INTS3: variants seen among roughly 807,000 people sequenced by gnomAD.
INTS3 encodes the protein integrator complex subunit 3, also known as SOSS complex subunit A.
A neutral mutation model predicts 146.3 loss-of-function variants in INTS3; 34 were observed. That is an observed-to-expected ratio of 0.23 (90% CI 0.18 to 0.31). The LOEUF is 0.31. Ranked by LOEUF, INTS3 falls within the 10% of genes least tolerant of loss-of-function variation. INTS3 has a pLI of 1.00. For synonymous variants in INTS3, 475 were observed against 494.9 expected (o/e 0.96, Z 0.53); for missense variants, 757 against 1,304.2 (o/e 0.58, Z 6.46).
intron 17 of INTS3, 79 bp from the exon 18 acceptor site, chr1:153,764,039 G>A: frequency 7.5e-7 from 1 of 1,332,722 alleles, no homozygotes; most frequent in Middle Eastern, 2.0e-4. Context: ...GGAAGCAGAT[G>A]AGTTCCAAGA....
At position 153,773,584 on chromosome 1, in the gene INTS3, T is replaced by C; in HGVS notation, c.*314T>C. ...CTCAGCCCCCTGGCCCCTTCCGCAA[T>C]CTCCTCCCCCAGTCTCCCAAAGAGC... is the stretch of plus-strand genomic sequence containing the variant. On this transcript the variant is annotated 3_prime_UTR_variant, in exon 30 of 30. Coordinates refer to ENST00000318967, the MANE Select transcript of INTS3 (RefSeq NM_023015.5). The C allele has an allele frequency of 2.2e-6, 1 of 454,144 alleles. No individual in the cohort carries two copies. The highest frequency in any genetic ancestry group is 4.0e-5 in the South Asian group (1 of 24,792). 28.1% of individuals were successfully genotyped at this position (454,144 alleles called of 1,614,324 possible).
In INTS3 at chr1:153,773,366, C is replaced by A. The variant is rs1157162148; in HGVS notation, c.*96C>A. The A allele has an allele frequency of 3.1e-5, 37 of 1,179,944 alleles. No homozygotes were observed. Among genetic ancestry groups the A allele is most frequent in the Non-Finnish European group, 5.0e-6 (4 of 792,260 alleles). 73.1% of individuals were successfully genotyped at this position (1,179,944 alleles called of 1,614,324 possible). On this transcript the variant is annotated 3_prime_UTR_variant, in exon 30 of 30. Coordinates refer to ENST00000318967, the MANE Select transcript of INTS3 (RefSeq NM_023015.5). ...GGCTGAGGAGATTGCAGGGGAAACA[C>A]CCTTGCTGCATCCCCAAGCTCCCCC...
chr1:153,756,048 T>A (rs1234435683), intron 9 of INTS3, among the ~76,000 whole-genome samples: 1 of 144,208 alleles, frequency 6.9e-6, no homozygotes, highest in Non-Finnish European at 1.5e-5. Context: ...TCAAAAAATA[T>A]ATATATATTA....
rs1672821298 is a variant in INTS3, at chr1:153,770,828, A to AT, written c.2552+101dup. The AT allele has an allele frequency of 4.1e-6, 4 of 971,302 alleles. No homozygotes were observed. The South Asian group carries it at 5.3e-5, about 13-fold the overall frequency. The allele number at this position is 971,302 out of a possible 1,614,324, so 60.2% of individuals were successfully genotyped here. ...CTTCTGTCCTCCTCCTTATTGCCAT[A>AT]TTTTTTCCTGTCGTTAACATCTGCT... is the stretch of plus-strand genomic sequence containing the variant. On this transcript the variant is annotated intron_variant, in intron 25 of 29. Coordinates refer to ENST00000318967, the MANE Select transcript of INTS3 (RefSeq NM_023015.5).
intron 5 of INTS3, 150 bp from the exon 6 acceptor site, chr1:153,748,539 T>A (rs1356413388): frequency 1.1e-5 from 8 of 733,396 alleles, no homozygotes; most frequent in Non-Finnish European, 2.0e-5. Flanking sequence ...CTTTAAAGCC[T>A]GACAGAACAG....
chr1:153,747,274 T>A lies in INTS3; in HGVS notation c.433-5T>A. On this transcript the variant is annotated splice_polypyrimidine_tract_variant and splice_region_variant and intron_variant, in intron 4 of 29. Coordinates refer to ENST00000318967, the MANE Select transcript of INTS3 (RefSeq NM_023015.5). ...TCTTCATCTGTTTTTCCCTCTTTCC[T>A]TTAGTTGGTGTGGTTGGTACGGGAA... 2 of 1,613,408 alleles carry A rather than the reference T, an allele frequency of 1.2e-6. No homozygotes were observed. The highest frequency in any genetic ancestry group is 1.7e-6 in the Non-Finnish European group (2 of 1,179,310).
chr1:153,741,170 T>G, intron 2 of INTS3, 115 bp from the exon 3 acceptor site: 2 of 775,404 alleles, frequency 2.6e-6, no homozygotes, highest in Non-Finnish European at 4.5e-6. Flanking sequence ...ATTTAAAAGT[T>G]GATTATTCTC....
At position 153,772,882 on chromosome 1, in the gene INTS3, G is replaced by C; in HGVS notation, c.2895-43G>C. 5 of 1,611,598 alleles carry C rather than the reference G, an allele frequency of 3.1e-6. No individual in the cohort carries two copies. Among genetic ancestry groups the C allele is most frequent in the Non-Finnish European group, 4.2e-6 (5 of 1,178,194 alleles). On this transcript the variant is annotated intron_variant, in intron 28 of 29. Transcript: ENST00000318967. The surrounding 1 kb of genome is among the most constrained non-coding windows in gnomAD (Gnocchi z 4.6). ...GAAGAGGATGGGAGGTGCCGTAGGA[G>C]CAGCAGGCTCCCACTCAAAGAGCTA...
At chr1:153,769,929 G>A in intron 23 of INTS3, 85 bp downstream of exon 23, 1 of 1,029,520 alleles carries the variant, frequency 9.7e-7, no homozygotes, top group Admixed American at 1.8e-5. Flanking sequence ...CAGGAAAGCT[G>A]GTTCTGGGGC....
intron 20 of INTS3, among the ~76,000 whole-genome samples, chr1:153,765,745 T>C (rs1187151262): frequency 1.3e-5 from 2 of 151,928 alleles, no homozygotes; most frequent in East Asian, 1.9e-4. Flanking sequence ...AAGTTTTGTA[T>C]TTTTAGTAGA....
At chr1:153,733,337 C>T (rs1293651834) in intron 1 of INTS3, among the ~76,000 whole-genome samples, 1 of 146,610 alleles carries the variant, frequency 6.8e-6, no homozygotes, top group Non-Finnish European at 1.5e-5. Flanking sequence ...CTCAGCCTCC[C>T]AAGTAGCTGG....
chr1:153,769,666 ATT>A (rs57979726), intron 22 of INTS3, 101 bp from the exon 23 acceptor site: 79 of 570,118 alleles, frequency 1.4e-4, no homozygotes, highest in African/African-American at 1.7e-4. Context: ...ACTTCCTCTA[ATT>A]TTTTTTTTTC....
Position 153,728,058 on chromosome 1 carries a change from A to AC in INTS3, c.-571dup, listed in dbSNP as rs1366178465. On this transcript the variant is annotated 5_prime_UTR_variant, in exon 1 of 30. Transcript: ENST00000318967. ...CCCCTCCCCCGCCCTCCGCCTTCCC[A>AC]CCCCCCGCCCTTCCACTATGGCCGC... 5.5e-3 allele frequency: 265 copies of AC among 48,480 alleles called. No homozygotes were observed. The highest frequency in any genetic ancestry group is 9.0e-3 in the Non-Finnish European group (240 of 26,722). 3.0% of individuals were successfully genotyped at this position (48,480 alleles called of 1,614,324 possible).
At position 153,746,125 on chromosome 1, in the gene INTS3, T is replaced by C. The variant is rs373210655; in HGVS notation, c.319-832T>C. 1.3e-4 allele frequency among the ~76,000 whole-genome samples: 20 copies of C among 152,344 alleles called. No individual in the cohort carries two copies. The East Asian group carries it at 3.3e-3, about 25-fold the overall frequency. Reference sequence around the variant, plus strand: ...TCAGTTTTGGTTCTGTCCTTAACTGTCTAGGGCCCTGCCCTGGATCTTCTT... The same window carrying C: ...TCAGTTTTGGTTCTGTCCTTAACTGCCTAGGGCCCTGCCCTGGATCTTCTT... On this transcript the variant is annotated intron_variant, in intron 3 of 29. Coordinates refer to ENST00000318967, the MANE Select transcript of INTS3 (RefSeq NM_023015.5).
intron 15 of INTS3, 50 bp from the exon 16 acceptor site, chr1:153,763,183 G>A (rs771603290): frequency 6.2e-7 from 1 of 1,613,194 alleles, no homozygotes; most frequent in South Asian, 1.1e-5. Flanking sequence ...GACTGTCTCT[G>A]TTGCTGGCAT....
intron 1 of INTS3, among the ~76,000 whole-genome samples, chr1:153,731,395 C>T (rs1455971343): frequency 1.3e-5 from 2 of 151,978 alleles, no homozygotes; most frequent in Non-Finnish European, 2.9e-5. Flanking sequence ...AGGCGGAAGT[C>T]TTCTTGCCCA....
intron 8 of INTS3, 75 bp downstream of exon 8, chr1:153,752,483 T>TG: frequency 6.8e-7 from 1 of 1,470,370 alleles, no homozygotes; most frequent in Non-Finnish European, 9.2e-7. Flanking sequence ...ATCAAGAAGG[T>TG]AGAGGTTGGT....
intron 8 of INTS3, among the ~76,000 whole-genome samples, chr1:153,752,983 C>T (rs1023062762): frequency 2.0e-5 from 3 of 151,928 alleles, no homozygotes; most frequent in Non-Finnish European, 4.4e-5. Context: ...TACAGCTTTG[C>T]TCCCCACCCC....
rs935095191 is a variant in INTS3, at chr1:153,773,249, A to G, written c.3108A>G (p.Ala1036=). Reference sequence around the variant, plus strand: ...AGCGGAAACGAAAAGGGTCCTCTGCAGTGGGCTCTGACAGTGACTGAGGCC... The same window carrying G: ...AGCGGAAACGAAAAGGGTCCTCTGCGGTGGGCTCTGACAGTGACTGAGGCC... ...PTKRKRKGSS[A]VGSDSD is the part of the protein sequence containing the mutation. Residue 1036 remains alanine, a synonymous_variant, in exon 30 of 30, where the codon GCA becomes GCG. Coordinates refer to ENST00000318967, the MANE Select transcript of INTS3 (RefSeq NM_023015.5). 10 of 1,614,110 alleles carry G rather than the reference A, an allele frequency of 6.2e-6. No homozygotes were observed. The highest frequency in any genetic ancestry group is 8.5e-6 in the Non-Finnish European group (10 of 1,180,012).
Sources: gnomAD v4.1 joint callset for allele counts (sites outside exome capture counted in the v4.1 genomes callset) on GRCh38, gnomAD v4.1.1 for gene constraint, Gnocchi (gnomAD v3.1) non-coding constraint, MANE v1.5 for transcripts, NCBI Gene and HGNC (gene_info 2026-07-23, HGNC 2026-07-21) for gene names.